The following ARHGAP42 variants were observed in gnomAD, a reference collection of about 807,000 sequenced individuals.
ARHGAP42 encodes the protein rho GTPase-activating protein 42.
Under a neutral mutation model 125.0 loss-of-function variants are expected in ARHGAP42, and 63 were observed. That is an observed-to-expected ratio of 0.50 (90% CI 0.41 to 0.62). The LOEUF (loss-of-function observed/expected upper bound fraction) is 0.62, where lower values mean the gene tolerates loss of function less well. Ranked by LOEUF, ARHGAP42 falls within the 20% of genes least tolerant of loss-of-function variation. The pLI is 0.00. For missense variants in ARHGAP42, 766 were observed against 1,024.2 expected, an observed-to-expected ratio of 0.75 and a Z score of 3.44; for synonymous variants, 339 against 351.0, an observed-to-expected ratio of 0.97 and a Z score of 0.38.
intron 3 of ARHGAP42, among the ~76,000 whole-genome samples, chr11:100,837,685 T>TTTTTTA (rs1864837058): frequency 3.8e-5 from 5 of 131,416 alleles, no homozygotes; most frequent in African/African-American, 1.1e-4. Context: ...TTTTTTTTTT[T>TTTTTTA]TTTTTTTTTT....
Position 100,788,883 on chromosome 11 carries a change from A to C in ARHGAP42, c.251-6222A>C, listed in dbSNP as rs581892. ...GTCAGTATGCTACCTTTGATTTTTT[A>C]AGTGTTCAAAAAATTAAGACTCTCT... On this transcript the variant is annotated intron_variant, in intron 2 of 23. Coordinates refer to ENST00000298815, the MANE Select transcript of ARHGAP42 (RefSeq NM_152432.4). 8.8e-3 allele frequency among the ~76,000 whole-genome samples: 1,338 copies of C among 152,242 alleles called. 20 individuals carry two copies. The highest frequency in any genetic ancestry group is 0.03 in the African/African-American group (1,260 of 41,542).
rs183565668 is a variant in ARHGAP42, at chr11:100,782,330, T to A, written c.250+11892T>A. Among the ~76,000 whole-genome samples the A allele has an allele frequency of 1.3e-4, 20 of 152,320 alleles. 1 individual carries two copies. Among genetic ancestry groups the A allele is most frequent in the Admixed American group, 9.8e-4 (15 of 15,298 alleles). ...AGAGATTACATGCATCACAAAATCC[T>A]TTATGCATCAAGAGAACACTTTTTA... On this transcript the variant is annotated intron_variant, in intron 2 of 23. Transcript: ENST00000298815.
Position 100,961,778 on chromosome 11 carries a change from G to GTTTA in ARHGAP42, c.1385+11_1385+14dup, listed in dbSNP as rs780171692. On this transcript the variant is annotated intron_variant, in intron 15 of 23. Transcript: ENST00000298815. ...TGAAAAACTACCTCAGGTGAGGAGG[G>GTTTA]TTTAACTCCTGGTACTCTGGATGTA... 110 of 1,547,360 alleles carry GTTTA rather than the reference G, an allele frequency of 7.1e-5. No individual in the cohort carries two copies. The African/African-American group carries it at 1.3e-3, about 18-fold the overall frequency.
intron 1 of ARHGAP42, among the ~76,000 whole-genome samples, chr11:100,727,439 C>G (rs1035325571): frequency 2.0e-5 from 3 of 152,110 alleles, no homozygotes; most frequent in Non-Finnish European, 2.9e-5. Flanking sequence ...CGTTTGTTCT[C>G]CTATGATAAC....
At chr11:100,837,399 T>C (rs781522724) in intron 3 of ARHGAP42, among the ~76,000 whole-genome samples, 28 of 152,140 alleles carry the variant, frequency 1.8e-4, no homozygotes, top group Non-Finnish European at 3.4e-4. Flanking sequence ...ATGGTTTTGT[T>C]GTCCGTAAGG....
intron 1 of ARHGAP42, among the ~76,000 whole-genome samples, chr11:100,725,553 G>C (rs1000161606): frequency 6.6e-6 from 1 of 151,994 alleles, no homozygotes; most frequent in East Asian, 1.9e-4. Flanking sequence ...AGCACTTTTC[G>C]GAGCTGAGGC....
At chr11:100,925,833 T>C (rs543098366) in intron 6 of ARHGAP42, among the ~76,000 whole-genome samples, 1 of 152,310 alleles carries the variant, frequency 6.6e-6, no homozygotes, top group East Asian at 1.9e-4. Context: ...AGTGGGCTCA[T>C]CCTTTCAGAT....
intron 1 of ARHGAP42, among the ~76,000 whole-genome samples, chr11:100,729,768 C>T (rs148343538): frequency 1.6e-3 from 238 of 151,850 alleles, no homozygotes; most frequent in Middle Eastern, 0.014. Context: ...TATCATGTAA[C>T]ACTGTTTCCC....
chr11:100,771,188 C>T (rs1862969439), intron 2 of ARHGAP42, among the ~76,000 whole-genome samples: 1 of 152,184 alleles, frequency 6.6e-6, no homozygotes, highest in Non-Finnish European at 1.5e-5. Flanking sequence ...GATCAGGAGA[C>T]TTGAACCCTA....
intron 17 of ARHGAP42, among the ~76,000 whole-genome samples, chr11:100,968,363 C>T (rs1356341599): frequency 1.3e-5 from 2 of 151,970 alleles, no homozygotes; most frequent in Non-Finnish European, 2.9e-5. Context: ...TTCATGTTGT[C>T]TTTGCTATTC....
chr11:100,697,709 C>T (rs1034084723), intron 1 of ARHGAP42, among the ~76,000 whole-genome samples: 4 of 152,150 alleles, frequency 2.6e-5, no homozygotes, highest in Non-Finnish European at 4.4e-5. Flanking sequence ...AGTGATAAGG[C>T]ACTAATAGAA....
intron 4 of ARHGAP42, among the ~76,000 whole-genome samples, chr11:100,862,771 C>T (rs965156627): frequency 2.0e-5 from 3 of 151,988 alleles, no homozygotes; most frequent in African/African-American, 7.3e-5. Flanking sequence ...TGGCTCATGC[C>T]GGTAATCCTA....
rs545019031 is a variant in ARHGAP42, at chr11:100,784,147, A to G, written c.251-10958A>G. ...TGCAGACAGAAAATATAGGTAAAAGAAAAACACAGAAATGGGAAAACTACA... is the reference window on the plus strand; with the variant it reads ...TGCAGACAGAAAATATAGGTAAAAGGAAAACACAGAAATGGGAAAACTACA... On this transcript the variant is annotated intron_variant, in intron 2 of 23. Transcript: ENST00000298815. 3.3e-5 allele frequency among the ~76,000 whole-genome samples: 5 copies of G among 152,278 alleles called. No individual in the cohort carries two copies. In the South Asian group the frequency reaches 1.0e-3, roughly 32 times the overall value.
At chr11:100,787,492 G>A (rs1002600226) in intron 2 of ARHGAP42, among the ~76,000 whole-genome samples, 1 of 152,322 alleles carries the variant, frequency 6.6e-6, no homozygotes, top group Non-Finnish European at 1.5e-5. Flanking sequence ...ACTAACATAA[G>A]TTGTTATGCT....
chr11:100,972,516 T>TTGGATGGA (rs111816630), intron 17 of ARHGAP42, among the ~76,000 whole-genome samples: 14,737 of 150,228 alleles, frequency 0.098, 881 homozygotes, highest in East Asian at 0.25. Flanking sequence ...CAGGGAAGTT[T>TTGGATGGA]TGGATGGATG....
chr11:100,808,566 C>T lies in ARHGAP42; in HGVS notation c.312+13400C>T, dbSNP rs995918282. On this transcript the variant is annotated intron_variant, in intron 3 of 23. Coordinates refer to ENST00000298815, the MANE Select transcript of ARHGAP42 (RefSeq NM_152432.4). ...GACTACAGGCGCCCGCCACCGCGCC[C>T]GGCTAATTTTTTGTATTTTTAGTAG... Among the ~76,000 whole-genome samples the T allele has an allele frequency of 5.4e-4, 82 of 151,098 alleles. 1 individual carries two copies. In the East Asian group the frequency reaches 6.5e-3, roughly 12 times the overall value.
intron 1 of ARHGAP42, among the ~76,000 whole-genome samples, chr11:100,746,411 C>T (rs191695923): frequency 7.2e-5 from 11 of 152,330 alleles, no homozygotes; most frequent in African/African-American, 1.4e-4. Flanking sequence ...ATGCAGCCCA[C>T]GCCCAGTTGA....
intron 4 of ARHGAP42, among the ~76,000 whole-genome samples, chr11:100,909,581 C>T (rs922255935): frequency 9.9e-5 from 15 of 152,012 alleles, no homozygotes; most frequent in African/African-American, 3.6e-4. Flanking sequence ...TGACCTCGGA[C>T]GATCCATCTC....
intron 3 of ARHGAP42, among the ~76,000 whole-genome samples, chr11:100,850,726 C>A (rs1865182804): frequency 6.6e-6 from 1 of 152,008 alleles, no homozygotes; most frequent in African/African-American, 2.4e-5. Context: ...AGATTAAATT[C>A]ATTTGTACTT....
Sources: allele counts gnomAD v4.1 joint callset (sites outside exome capture counted in the v4.1 genomes callset), GRCh38; gene constraint gnomAD v4.1.1; transcripts MANE v1.5; gene names NCBI Gene and HGNC (gene_info 2026-07-23, HGNC 2026-07-21).